Variants in AAMDC observed in about 807,000 individuals in gnomAD.
AAMDC encodes adipogenesis associated Mth938 domain containing.
AAMDC carries 16 observed loss-of-function variants against 15.5 expected under a neutral mutation model. The ratio of observed to expected loss-of-function variants is 1.03; its 90% confidence interval spans 0.70 to 1.57. The LOEUF (loss-of-function observed/expected upper bound fraction) is 1.57. Ranked by LOEUF, AAMDC falls within the 40% of genes most tolerant of loss-of-function variation. AAMDC has a pLI of 0.00. For missense variants in AAMDC, 141 were observed against 144.9 expected, an observed-to-expected ratio of 0.97 and a Z score of 0.14; for synonymous variants, 51 against 51.6, an observed-to-expected ratio of 0.99 and a Z score of 0.05.
At chr11:77,877,371 A>G (rs1951627842) in intron 5 of AAMDC, among the ~76,000 whole-genome samples, 1 of 152,262 alleles carries the variant, frequency 6.6e-6, no homozygotes, top group Admixed American at 6.5e-5. Context: ...TAATTGTATT[A>G]TCTTGCTATT....
chr11:77,823,560 T>C (rs893759834), intron 1 of AAMDC, among the ~76,000 whole-genome samples: 3 of 143,210 alleles, frequency 2.1e-5, no homozygotes, highest in Non-Finnish European at 4.5e-5. Context: ...TGAGACCTCA[T>C]CTGTAATCCC....
At chr11:77,863,329 G>A (rs1397404348) in intron 2 of AAMDC, among the ~76,000 whole-genome samples, 2 of 152,168 alleles carry the variant, frequency 1.3e-5, no homozygotes, top group African/African-American at 4.8e-5. Flanking sequence ...AGTCAGCAGC[G>A]GGTCTGTGAT....
chr11:77,868,197 A>G (rs1951212008), intron 2 of AAMDC, among the ~76,000 whole-genome samples: 1 of 150,964 alleles, frequency 6.6e-6, no homozygotes, highest in Non-Finnish European at 1.5e-5. Context: ...CTGGGATTAC[A>G]GGCACCCGCT....
At chr11:77,832,382 A>G (rs1490605694) in intron 1 of AAMDC, among the ~76,000 whole-genome samples, 2 of 151,616 alleles carry the variant, frequency 1.3e-5, no homozygotes, top group African/African-American at 4.8e-5. Context: ...GCTGGAGTGC[A>G]ATGGTGTGAT....
chr11:77,845,365 G>T (rs1950100285), intron 2 of AAMDC, among the ~76,000 whole-genome samples: 1 of 151,760 alleles, frequency 6.6e-6, no homozygotes, highest in Non-Finnish European at 1.5e-5. Flanking sequence ...ATCTGCTGTT[G>T]AGCCCCTGTA....
chr11:77,878,750 G>A (rs752895720), intron 5 of AAMDC: 4 of 695,198 alleles, frequency 5.8e-6, no homozygotes, highest in African/African-American at 3.5e-5. Flanking sequence ...TTGTGGACAG[G>A]AGAAGGGTAA....
At chr11:77,834,415 T>C (rs1344541539) in intron 1 of AAMDC, among the ~76,000 whole-genome samples, 1 of 150,882 alleles carries the variant, frequency 6.6e-6, no homozygotes, top group African/African-American at 2.4e-5. Flanking sequence ...TCTTTTATGA[T>C]GAATTTCATG....
chr11:77,898,698 G>A (rs898994813), intron 5 of AAMDC, among the ~76,000 whole-genome samples: 1 of 152,172 alleles, frequency 6.6e-6, no homozygotes, highest in African/African-American at 2.4e-5. Flanking sequence ...TATAATGGAT[G>A]TGACAGACAC....
At chr11:77,842,390 T>G in intron 1 of AAMDC, 89 bp from the exon 2 acceptor site, 8 of 1,230,458 alleles carry the variant, frequency 6.5e-6, no homozygotes, top group Non-Finnish European at 9.0e-6. Flanking sequence ...TCTTAAATCA[T>G]GGAGAATCAG....
At chr11:77,843,576 T>C (rs1411214229) in intron 2 of AAMDC, among the ~76,000 whole-genome samples, 1 of 152,164 alleles carries the variant, frequency 6.6e-6, no homozygotes, top group Non-Finnish European at 1.5e-5. Context: ...CCACTGTACA[T>C]GTGCACAGAT....
In AAMDC at chr11:77,821,524, T is replaced by C. The variant is rs191083087; in HGVS notation, c.-19+283T>C. Among the ~76,000 whole-genome samples the C allele has an allele frequency of 1.4e-3, 206 of 151,846 alleles. 1 individual carries two copies. Among genetic ancestry groups the C allele is most frequent in the African/African-American group, 3.3e-3 (137 of 41,394 alleles). On this transcript the variant is annotated intron_variant, in intron 1 of 3. Transcript: ENST00000393427. ...AGGGAACGGAACTCTGGGGGAATCG[T>C]CGGAGTGAGGAGTTGGGGCCCTGCT... is the stretch of plus-strand genomic sequence containing the variant.
intron 2 of AAMDC, among the ~76,000 whole-genome samples, chr11:77,847,039 G>C (rs867166465): frequency 6.6e-6 from 1 of 152,150 alleles, no homozygotes; most frequent in Admixed American, 6.6e-5. Context: ...GTATGAGCAG[G>C]TTTATGGTTA....
intron 2 of AAMDC, among the ~76,000 whole-genome samples, chr11:77,856,366 T>G (rs1473718455): frequency 1.3e-5 from 2 of 152,202 alleles, no homozygotes; most frequent in Non-Finnish European, 2.9e-5. Flanking sequence ...ATTTCCAAAT[T>G]TGCCCTCATC....
At position 77,891,884 on chromosome 11, in the gene AAMDC, T is replaced by G. The variant is rs1591015488; in HGVS notation, c.329-8687T>G. 3.7e-6 allele frequency: 6 copies of G among 1,609,766 alleles called. No homozygotes were observed. The East Asian group carries it at 1.3e-4, about 36-fold the overall frequency. ...GCAACTGACTCATTCAACTGTGCAC[T>G]CATTCACCACAGGCTGGGCCCCAGA... On this transcript the variant is annotated intron_variant, in intron 5 of 5. Coordinates refer to the AAMDC transcript ENST00000304716.
intron 1 of AAMDC, among the ~76,000 whole-genome samples, chr11:77,822,644 A>G (rs764324433): frequency 2.0e-5 from 3 of 152,182 alleles, no homozygotes; most frequent in Non-Finnish European, 2.9e-5. Flanking sequence ...AGAATACTCA[A>G]TTTATCAAGA....
chr11:77,853,994 T>TG (rs777543971), intron 2 of AAMDC, among the ~76,000 whole-genome samples: 2 of 4,646 alleles, frequency 4.3e-4, no homozygotes, highest in Non-Finnish European at 2.9e-3. Context: ...CTCCAAATTC[T>TG]TTTTTTTTTT....
At chr11:77,830,621 T>G (rs1949378873) in intron 1 of AAMDC, among the ~76,000 whole-genome samples, 1 of 151,888 alleles carries the variant, frequency 6.6e-6, no homozygotes, top group Non-Finnish European at 1.5e-5. Flanking sequence ...TTGTCTTTTA[T>G]TCCCGCGTTT....
intron 1 of AAMDC, among the ~76,000 whole-genome samples, chr11:77,837,361 C>T (rs1949728634): frequency 6.6e-6 from 1 of 151,516 alleles, no homozygotes; most frequent in South Asian, 2.1e-4. Flanking sequence ...GGTCTCTTAA[C>T]TCCTGACCTC....
chr11:77,884,003 C>G (rs750023772), intron 5 of AAMDC: 9 of 1,578,882 alleles, frequency 5.7e-6, no homozygotes, highest in Non-Finnish European at 6.1e-6. Context: ...GAGCATTTAA[C>G]AAAATGGATG....
Sources: allele counts gnomAD v4.1 joint callset (sites outside exome capture counted in the v4.1 genomes callset), GRCh38; gene constraint gnomAD v4.1.1; transcripts MANE v1.5; gene names NCBI Gene and HGNC (gene_info 2026-07-23, HGNC 2026-07-21).